Variants in SLMAP observed in about 807,000 individuals in gnomAD.
The protein encoded by SLMAP is sarcolemmal membrane-associated protein.
Under a neutral mutation model 128.8 loss-of-function variants are expected in SLMAP, and 44 were observed. The ratio of observed to expected loss-of-function variants is 0.34; its 90% CI spans 0.27 to 0.44. The LOEUF (loss-of-function observed/expected upper bound fraction) is 0.44. Among genes scored for constraint, SLMAP ranks in the 20% least tolerant of loss-of-function variants. SLMAP has a pLI of 1.00. For missense variants in SLMAP, 787 were observed against 985.3 expected, an observed-to-expected ratio of 0.80 and a Z score of 2.69; for synonymous variants, 327 against 348.8, an observed-to-expected ratio of 0.94 and a Z score of 0.70.
intron 17 of SLMAP, among the ~76,000 whole-genome samples, chr3:57,904,558 A>G (rs374388466): frequency 6.6e-6 from 1 of 152,212 alleles, no homozygotes; most frequent in South Asian, 2.1e-4. Context: ...ACATGGGTAC[A>G]TTACTATTCT....
chr3:57,924,689 C>T (rs561260475), intron 23 of SLMAP, among the ~76,000 whole-genome samples: 5 of 151,956 alleles, frequency 3.3e-5, no homozygotes, highest in African/African-American at 1.2e-4. Flanking sequence ...ATATACCAAA[C>T]CTTTATTACA....
At chr3:57,837,316 T>G (rs1377716591) in intron 3 of SLMAP, among the ~76,000 whole-genome samples, 1 of 152,162 alleles carries the variant, frequency 6.6e-6, no homozygotes, top group Admixed American at 6.5e-5. Context: ...CTGGAACATA[T>G]TGGTTGAGTA....
intron 17 of SLMAP, 62 bp downstream of exon 17, chr3:57,896,994 A>G: frequency 3.1e-6 from 5 of 1,608,582 alleles, no homozygotes; most frequent in Non-Finnish European, 4.2e-6. Flanking sequence ...TTGCCATAAA[A>G]TCTGTTCTAG....
intron 2 of SLMAP, chr3:57,801,042 G>A (rs1183105741): frequency 4.6e-6 from 1 of 217,092 alleles, no homozygotes; most frequent in Non-Finnish European, 9.3e-6. Context: ...GGGACAGAAA[G>A]TTCATGAGTA....
chr3:57,924,445 C>CGTTG (rs2096967350), intron 23 of SLMAP, among the ~76,000 whole-genome samples: 1 of 150,848 alleles, frequency 6.6e-6, no homozygotes, highest in Admixed American at 6.6e-5. Flanking sequence ...CTCAGCTCAC[C>CGTTG]GCAACATCCA....
At chr3:57,764,088 C>G (rs1276136279) in intron 2 of SLMAP, among the ~76,000 whole-genome samples, 1 of 152,130 alleles carries the variant, frequency 6.6e-6, no homozygotes, top group African/African-American at 2.4e-5. Flanking sequence ...ATGAAGCTGA[C>G]TAGATAGTGT....
At chr3:57,792,199 T>A (rs1040443376) in intron 2 of SLMAP, among the ~76,000 whole-genome samples, 4 of 151,950 alleles carry the variant, frequency 2.6e-5, no homozygotes, top group African/African-American at 9.6e-5. Context: ...TTTATTTTGA[T>A]GGTATTGATT....
At chr3:57,767,555 T>C (rs917009286) in intron 2 of SLMAP, among the ~76,000 whole-genome samples, 2 of 152,240 alleles carry the variant, frequency 1.3e-5, no homozygotes, top group Admixed American at 1.3e-4. Flanking sequence ...ATTGGTGATA[T>C]GAAATTATAT....
intron 3 of SLMAP, among the ~76,000 whole-genome samples, chr3:57,840,732 G>A (rs958760473): frequency 2.0e-5 from 3 of 152,180 alleles, no homozygotes; most frequent in Non-Finnish European, 4.4e-5. Flanking sequence ...ATATTGAAAT[G>A]GAAACATGAG....
chr3:57,836,215 G>A (rs2093633332), intron 3 of SLMAP, among the ~76,000 whole-genome samples: 1 of 151,946 alleles, frequency 6.6e-6, no homozygotes, highest in African/African-American at 2.4e-5. Context: ...CAGGAGTGTG[G>A]GTGGGAGGGA....
Position 57,851,352 on chromosome 3 carries a change from GTT to G in SLMAP, c.519+1550_519+1551del, listed in dbSNP as rs11297177. Among the ~76,000 whole-genome samples the G allele has an allele frequency of 3.6e-3, 478 of 133,340 alleles. 1 individual carries two copies. Among genetic ancestry groups the G allele is most frequent in the African/African-American group, 0.01 (374 of 36,924 alleles). 87.5% of individuals were successfully genotyped at this position (133,340 alleles called of 152,430 possible). On this transcript the variant is annotated intron_variant, in intron 6 of 24. Coordinates refer to ENST00000671191, the MANE Select transcript of SLMAP (RefSeq NM_001377540.1). ...AAAAAGCAAACAAGTGTTTTGGGTT[GTT>G]TTTTTTTTTTTTTCTGGTTTTTGTG... is the stretch of plus-strand genomic sequence containing the variant.
At chr3:57,906,332 T>TC (rs1491216777) in intron 17 of SLMAP, among the ~76,000 whole-genome samples, 1 of 137,032 alleles carries the variant, frequency 7.3e-6, no homozygotes, top group East Asian at 2.2e-4. Context: ...TTTTTTTTTT[T>TC]AGAGACACAG....
intron 2 of SLMAP, among the ~76,000 whole-genome samples, chr3:57,759,141 T>A (rs2078134399): frequency 6.6e-6 from 1 of 152,208 alleles, no homozygotes. Flanking sequence ...ATACTTTACG[T>A]GTAGGATGAG....
intron 14 of SLMAP, among the ~76,000 whole-genome samples, chr3:57,877,627 A>G (rs1303882796): frequency 6.6e-6 from 1 of 151,968 alleles, no homozygotes; most frequent in East Asian, 1.9e-4. Context: ...TGTACTGATC[A>G]TTTCCCTAGT....
At chr3:57,874,522 C>T (rs374337783) in intron 14 of SLMAP, among the ~76,000 whole-genome samples, 1 of 151,134 alleles carries the variant, frequency 6.6e-6, no homozygotes, top group East Asian at 1.9e-4. Flanking sequence ...GAAAATCACT[C>T]GAGCCTAAGG....
chr3:57,918,145 G>A (rs2096849481), intron 22 of SLMAP: 1 of 152,124 alleles, frequency 6.6e-6, no homozygotes, highest in Admixed American at 6.6e-5. Context: ...AAAGATATGT[G>A]TTTTAGAAGA....
chr3:57,825,500 CT>C (rs539901060), intron 2 of SLMAP, among the ~76,000 whole-genome samples: 9,333 of 106,444 alleles, frequency 0.088, 292 homozygotes, highest in Non-Finnish European at 0.13. Context: ...TGTGTGTTTT[CT>C]TTTTTTTTTT....
At position 57,828,947 on chromosome 3, in the gene SLMAP, AT is replaced by A. The variant is rs2093131928; in HGVS notation, c.199-2430del. The stretch of plus-strand genomic sequence containing the variant: ...AGGCCTGCACCACCATGCCCAGCTG[AT>A]TTTTTGTATTTTTTTGTAGGGATGG... On this transcript the variant is annotated intron_variant, in intron 2 of 24. Coordinates refer to ENST00000671191, the MANE Select transcript of SLMAP (RefSeq NM_001377540.1). Among the ~76,000 whole-genome samples, 5 of 151,638 alleles carry A rather than the reference AT, an allele frequency of 3.3e-5. No homozygotes were observed. The South Asian group carries it at 1.0e-3, about 32-fold the overall frequency.
chr3:57,772,744 G>A (rs895227343), intron 2 of SLMAP, among the ~76,000 whole-genome samples: 3 of 151,808 alleles, frequency 2.0e-5, no homozygotes, highest in Non-Finnish European at 2.9e-5. Flanking sequence ...AGGTTTAATC[G>A]ATTCTCCTGC....
Sources: gnomAD v4.1 joint callset for allele counts (sites outside exome capture counted in the v4.1 genomes callset) on GRCh38, gnomAD v4.1.1 for gene constraint, MANE v1.5 for transcripts, NCBI Gene and HGNC (gene_info 2026-07-23, HGNC 2026-07-21) for gene names.